Variants in SCYL3 observed in about 807,000 individuals in gnomAD.
SCYL3 encodes the protein SCY1 like pseudokinase 3.
In SCYL3, 35 loss-of-function variants were observed where a neutral mutation model predicts 73.8. The ratio of observed to expected loss-of-function variants is 0.47; its 90% confidence interval spans 0.36 to 0.63. The LOEUF is 0.63. SCYL3 is among the 20% of genes least tolerant of loss of function. The pLI is 0.00. For synonymous variants in SCYL3, 277 were observed against 295.2 expected, an observed-to-expected ratio of 0.94 and a Z score of 0.63; for missense variants, 712 against 798.9, an observed-to-expected ratio of 0.89 and a Z score of 1.31.
intron 2 of SCYL3, among the ~76,000 whole-genome samples, chr1:169,880,406 G>C (rs1661159430): frequency 1.1e-5 from 1 of 90,894 alleles, no homozygotes; most frequent in East Asian, 1.9e-4. Flanking sequence ...CTTAGAAGCA[G>C]CTAAAGGAAA....
chr1:169,891,894 TAAC>T (rs1440897566), intron 1 of SCYL3, among the ~76,000 whole-genome samples: 5 of 152,230 alleles, frequency 3.3e-5, no homozygotes, highest in Non-Finnish European at 7.3e-5. Context: ...CCACTATAAT[TAAC>T]AAAGTTATAA....
At chr1:169,855,666 T>G (rs912802783) in intron 11 of SCYL3, 3 of 814,948 alleles carry the variant, frequency 3.7e-6, no homozygotes, top group Non-Finnish European at 3.7e-6. Flanking sequence ...AGAAACAAGA[T>G]GAGACCAAAG....
rs1658445332 is a variant in SCYL3, at chr1:169,852,148, A to C, written c.*1565T>G. Reference sequence around the variant, plus strand: ...AAATATATTCTTTCAGTATGTTTGAATTATTGGTAGTAACCTTTAAGGGAA... The same window carrying C: ...AAATATATTCTTTCAGTATGTTTGACTTATTGGTAGTAACCTTTAAGGGAA... On this transcript the variant is annotated 3_prime_UTR_variant, in exon 13 of 13. Transcript: ENST00000367771. 2 of 631,794 alleles carry C rather than the reference A, an allele frequency of 3.2e-6. No homozygotes were observed. The highest frequency in any genetic ancestry group is 2.9e-5 in the Admixed American group (1 of 35,034). The allele number at this position is 631,794 out of a possible 1,614,324, so 39.1% of individuals were successfully genotyped here.
At chr1:169,888,089 C>T (rs2102215060) in intron 2 of SCYL3, among the ~76,000 whole-genome samples, 1 of 152,292 alleles carries the variant, frequency 6.6e-6, no homozygotes, top group African/African-American at 2.4e-5. Context: ...GCTAGCTATC[C>T]AAAGAAGCAT....
rs528039840 is a variant in SCYL3 at position 169,885,661 on chromosome 1, G to GA, written c.165+3014dup. Among the ~76,000 whole-genome samples, 323 of 151,918 alleles carry GA rather than the reference G, an allele frequency of 2.1e-3. 3 individuals are homozygous for GA. The highest frequency in any genetic ancestry group is 7.5e-3 in the African/African-American group (310 of 41,432). On this transcript the variant is annotated intron_variant, in intron 2 of 12. Coordinates refer to ENST00000367771, the MANE Select transcript of SCYL3 (RefSeq NM_020423.7). ...GATCATAAACTAACAATAAAATGCA[G>GA]AAAGAGAAAGGAATAAAAATTCCAT...
intron 3 of SCYL3, among the ~76,000 whole-genome samples, chr1:169,877,480 AC>A (rs1399275831): frequency 5.9e-5 from 9 of 152,160 alleles, no homozygotes; most frequent in African/African-American, 2.2e-4. Context: ...TAAATATTCT[AC>A]CCAATACATC....
At chr1:169,862,589 C>T (rs1398304296) in intron 10 of SCYL3, 24 bp downstream of exon 10, 2 of 1,612,584 alleles carry the variant, frequency 1.2e-6, no homozygotes, top group East Asian at 4.5e-5. Context: ...CTGTGACTAC[C>T]CCACTGCAAA....
chr1:169,853,717 C>CAGTT lies in SCYL3; in HGVS notation c.2059_2062dup (p.Trp688Ter), dbSNP rs1658733851. 5.6e-6 allele frequency: 9 copies of CAGTT among 1,613,112 alleles called. No individual in the cohort carries two copies. Among genetic ancestry groups the CAGTT allele is most frequent in the Middle Eastern group, 1.6e-4 (1 of 6,080 alleles). Reference sequence around the variant, plus strand: ...AAGTTTAACTCACATCTATTGTCACCAGTTATTATCTTCCCAGTTCAGCTC... The same window carrying CAGTT: ...AAGTTTAACTCACATCTATTGTCACCAGTTAGTTATTATCTTCCCAGTTCAGCTC... On this transcript the variant is annotated stop_gained and frameshift_variant, in exon 13 of 13. Transcript: ENST00000367771. LOFTEE classifies it high-confidence loss of function.
At chr1:169,889,205 C>T (rs768159271) in intron 1 of SCYL3, among the ~76,000 whole-genome samples, 1 of 152,190 alleles carries the variant, frequency 6.6e-6, no homozygotes, top group Non-Finnish European at 1.5e-5. Flanking sequence ...TCCTAACTCA[C>T]TTGTATATCC....
In SCYL3 at chr1:169,854,744, C is replaced by G; in HGVS notation, c.1533G>C (p.Val511=). 6.2e-7 allele frequency: 1 copy of G among 1,613,986 alleles called. No homozygotes were observed. The highest frequency in any genetic ancestry group is 1.1e-5 in the South Asian group (1 of 91,058). The stretch of plus-strand genomic sequence containing the variant: ...CGCAGTCATCCCAAGATGACTCTTC[C>G]ACATCCAAGGTAGTGCACTGGGACT... ...DVKSQCTTLD[V]EESSWDDCEP... The change falls in exon 12 of 13, where the codon GTG becomes GTC. Residue 511 remains valine, a synonymous_variant. Transcript: ENST00000367771.
Position 169,853,367 on chromosome 1 carries a change from A to G in SCYL3, c.*346T>C. ...TATGTTAAAGAATGGCACAAAATTA[A>G]GCTAACCAGCTTGAATTACATTTTC... On this transcript the variant is annotated 3_prime_UTR_variant, in exon 13 of 13. Transcript: ENST00000367771. 1 of 327,842 alleles carries G rather than the reference A, an allele frequency of 3.1e-6. No individual in the cohort carries two copies. The highest frequency in any genetic ancestry group is 6.0e-5 in the East Asian group (1 of 16,760). The allele number at this position is 327,842 out of a possible 1,614,324, so 20.3% of individuals were successfully genotyped here.
rs377448560 is a variant in SCYL3, at chr1:169,850,849, T to C, written c.*2864A>G. 2.6e-4 allele frequency: 40 copies of C among 153,224 alleles called. No individual in the cohort carries two copies. The South Asian group carries it at 4.1e-3, about 16-fold the overall frequency. The allele number at this position is 153,224 out of a possible 1,614,324, so 9.5% of individuals were successfully genotyped here. On this transcript the variant is annotated 3_prime_UTR_variant, in exon 13 of 13. Coordinates refer to ENST00000367771, the MANE Select transcript of SCYL3 (RefSeq NM_020423.7). ...TAGTTTGGGGTGTAATAGCACTGAT[T>C]ATCCAGGCAGTGAGATGACTAATGA...
chr1:169,869,154 C>T lies in SCYL3; in HGVS notation c.626-115G>A. ...CTGTAAAAGCCCAAACAAACAAAGC[C>T]CTGGCTGTTGCTAAACAGCTTCCTG... On this transcript the variant is annotated intron_variant, in intron 6 of 12. Coordinates refer to ENST00000367771, the MANE Select transcript of SCYL3 (RefSeq NM_020423.7). 3 of 755,706 alleles carry T rather than the reference C, an allele frequency of 4.0e-6. No homozygotes were observed. In the East Asian group the frequency reaches 8.2e-5, roughly 21 times the overall value. The allele number at this position is 755,706 out of a possible 1,614,324, so 46.8% of individuals were successfully genotyped here. A position where few individuals can be genotyped will look rare whatever the true frequency, so the allele number is the denominator to read the frequency against.
chr1:169,854,419 C>T lies in SCYL3; in HGVS notation c.1858G>A (p.Asp620Asn), dbSNP rs1658923393. 7 of 1,614,076 alleles carry T rather than the reference C, an allele frequency of 4.3e-6. No individual in the cohort carries two copies. The highest frequency in any genetic ancestry group is 3.3e-5 in the South Asian group (3 of 91,074). Residue 620 changes from aspartate (D) to asparagine (N), a missense_variant, in exon 12 of 13, where the codon GAT (aspartate) becomes AAT (asparagine). Asp to Asn is a conservative substitution (Grantham distance 23). Coordinates refer to ENST00000367771, the MANE Select transcript of SCYL3 (RefSeq NM_020423.7). ...TCTGGGATCATATCAGCAAACCAAT[C>T]CATCTCAGGATCTTTTACTGGCTTC... ...KKKPVKDPEM[D>N]WFADMIPEIK...
chr1:169,859,354 C>CA (rs1659447961), intron 10 of SCYL3, 142 bp from the exon 11 acceptor site: 1 of 697,838 alleles, frequency 1.4e-6, no homozygotes, highest in Admixed American at 3.8e-5. Flanking sequence ...CAGTGGCTCT[C>CA]AAACTACCTG....
At chr1:169,894,128 GC>G, upstream of SCYL3, 1 of 152,406 alleles carries the variant, frequency 6.6e-6, no homozygotes, top group Non-Finnish European at 1.5e-5. Flanking sequence ...CCACGAAGAT[GC>G]CCCCTTTCTA....
chr1:169,862,526 C>T, intron 10 of SCYL3, 87 bp downstream of exon 10: 2 of 1,408,078 alleles, frequency 1.4e-6, no homozygotes, highest in East Asian at 4.6e-5. Context: ...GCTTTCTAAG[C>T]TATTATCTGA....
rs1658437701 is a variant in SCYL3 at position 169,852,105 on chromosome 1, G to A, written c.*1608C>T. ...TGGTAGTTGCTTTTAAAATTAAGAA[G>A]TGGGACTACACCATATCAAATATAT... On this transcript the variant is annotated 3_prime_UTR_variant, in exon 13 of 13. Coordinates refer to ENST00000367771, the MANE Select transcript of SCYL3 (RefSeq NM_020423.7). 1.2e-6 allele frequency: 1 copy of A among 813,812 alleles called. No homozygotes were observed. The highest frequency in any genetic ancestry group is 2.7e-5 in the East Asian group (1 of 37,408). The allele number at this position is 813,812 out of a possible 1,614,324, so 50.4% of individuals were successfully genotyped here. A position where few individuals can be genotyped will look rare whatever the true frequency, so the allele number is the denominator to read the frequency against.
At chr1:169,892,612 T>C (rs1662163508) in intron 1 of SCYL3, among the ~76,000 whole-genome samples, 1 of 152,230 alleles carries the variant, frequency 6.6e-6, no homozygotes, top group Non-Finnish European at 1.5e-5. Flanking sequence ...AGGTATTTCG[T>C]AGCACTTAGC....
Sources: allele counts gnomAD v4.1 joint callset (sites outside exome capture counted in the v4.1 genomes callset), GRCh38; gene constraint gnomAD v4.1.1; transcripts MANE v1.5; gene names NCBI Gene and HGNC (gene_info 2026-07-23, HGNC 2026-07-21).